Variants in ZCCHC10 observed in about 807,000 individuals in gnomAD.
ZCCHC10 encodes zinc finger CCHC-type containing 10.
Under a neutral mutation model 19.5 loss-of-function variants are expected in ZCCHC10, and 16 were observed. The observed-to-expected ratio is 0.82, with a 90% confidence interval of 0.56 to 1.25. The LOEUF (loss-of-function observed/expected upper bound fraction) is 1.25, where lower values mean the gene tolerates loss of function less well. Among genes scored for constraint, ZCCHC10 ranks in the 50% most tolerant of loss-of-function variants. The probability of loss-of-function intolerance (pLI) is 0.00; values close to 1 mark genes in which losing one functional copy is unlikely to be tolerated. For synonymous variants in ZCCHC10, 67 were observed against 72.5 expected, an observed-to-expected ratio of 0.92 and a Z score of 0.38; for missense variants, 197 against 201.0, an observed-to-expected ratio of 0.98 and a Z score of 0.12.
intron 1 of ZCCHC10, among the ~76,000 whole-genome samples, chr5:133,023,792 A>G (rs57338184): frequency 0.02 from 3,087 of 152,174 alleles, 113 homozygotes; most frequent in African/African-American, 0.071. Context: ...AATTGATGAT[A>G]GTGCTTTCTC....
chr5:133,014,726 T>G (rs2126622158), intron 2 of ZCCHC10, among the ~76,000 whole-genome samples: 1 of 152,358 alleles, frequency 6.6e-6, no homozygotes, highest in African/African-American at 2.4e-5. Flanking sequence ...AAGGCTTTAG[T>G]TCCTTGCCAT....
intron 2 of ZCCHC10, among the ~76,000 whole-genome samples, chr5:133,008,838 C>T (rs1763305731): frequency 6.6e-6 from 1 of 151,856 alleles, no homozygotes; most frequent in African/African-American, 2.4e-5. Context: ...ATGGTGAAAC[C>T]CTGTCTCTAA....
intron 2 of ZCCHC10, among the ~76,000 whole-genome samples, chr5:133,019,491 T>C (rs1581426550): frequency 6.6e-6 from 1 of 152,322 alleles, no homozygotes; most frequent in Non-Finnish European, 1.5e-5. Flanking sequence ...CGTTCTTTGA[T>C]ACCAAAAATA....
In ZCCHC10 at chr5:133,025,418, G is replaced by T. The variant is rs576534402; in HGVS notation, c.41+1079C>A. ...ACTCGGGAGGCTGAGGCAGGGGAAC[G>T]GCGTGAACCCGGGGGGCGGAGCTTG... On this transcript the variant is annotated intron_variant, in intron 1 of 4. Coordinates refer to ENST00000509437, the MANE Select transcript of ZCCHC10 (RefSeq NM_001300816.3). 6.5e-4 allele frequency among the ~76,000 whole-genome samples: 97 copies of T among 150,372 alleles called. 2 individuals are homozygous for T. In the South Asian group the frequency reaches 0.02, roughly 31 times the overall value.
chr5:133,023,902 T>C (rs1764498912), intron 1 of ZCCHC10, among the ~76,000 whole-genome samples: 1 of 152,200 alleles, frequency 6.6e-6, no homozygotes, highest in African/African-American at 2.4e-5. Context: ...GAATATAAAA[T>C]GAAAAGTAAA....
chr5:133,010,332 A>G (rs1241178073), intron 2 of ZCCHC10, among the ~76,000 whole-genome samples: 1 of 152,124 alleles, frequency 6.6e-6, no homozygotes, highest in Non-Finnish European at 1.5e-5. Flanking sequence ...TACAGGTGTG[A>G]GCCACCGTGC....
chr5:133,011,703 T>C (rs1329581921), intron 2 of ZCCHC10, among the ~76,000 whole-genome samples: 1 of 147,248 alleles, frequency 6.8e-6, no homozygotes, highest in East Asian at 2.0e-4. Flanking sequence ...TAGAGAGATA[T>C]ACCATGTTCA....
At chr5:133,026,468 C>T (rs1409358178) in intron 1 of ZCCHC10, 29 bp downstream of exon 1, 2 of 1,612,374 alleles carry the variant, frequency 1.2e-6, no homozygotes, top group African/African-American at 1.3e-5. Flanking sequence ...CCCAGCCCTC[C>T]AGTGGACCCG....
chr5:133,004,661 T>C (rs1318356159), intron 3 of ZCCHC10, among the ~76,000 whole-genome samples: 1 of 151,868 alleles, frequency 6.6e-6, no homozygotes, highest in Non-Finnish European at 1.5e-5. Context: ...GCTGATTTTT[T>C]GTATCTTTTT....
At chr5:133,026,455 G>T (rs1561564645) in intron 1 of ZCCHC10, 42 bp downstream of exon 1, 1 of 1,609,250 alleles carries the variant, frequency 6.2e-7, no homozygotes, top group Non-Finnish European at 8.5e-7. Flanking sequence ...GCGTTTCCCC[G>T]CTCCCAGCCC....
chr5:133,009,749 A>G (rs1375583183), intron 2 of ZCCHC10, among the ~76,000 whole-genome samples: 1 of 152,054 alleles, frequency 6.6e-6, no homozygotes, highest in Non-Finnish European at 1.5e-5. Flanking sequence ...AGCTAGGGAG[A>G]TAAACTCTGT....
intron 3 of ZCCHC10, among the ~76,000 whole-genome samples, chr5:133,005,978 CTTTTTTTTTTT>C (rs760600232): frequency 1.0e-5 from 1 of 97,782 alleles, no homozygotes; most frequent in Non-Finnish European, 1.9e-5. Context: ...GAAGATGCTG[CTTTTTTTTTTT>C]TTTTTTTTTT....
intron 3 of ZCCHC10, among the ~76,000 whole-genome samples, chr5:133,000,704 G>A (rs1016931886): frequency 5.4e-5 from 8 of 149,346 alleles, no homozygotes; most frequent in Admixed American, 6.7e-5. Flanking sequence ...GTGCAGTGGC[G>A]CGATCTTGGC....
chr5:133,026,264 G>A (rs1200936484), intron 1 of ZCCHC10, among the ~76,000 whole-genome samples: 1 of 152,222 alleles, frequency 6.6e-6, no homozygotes, highest in African/African-American at 2.4e-5. Context: ...CGCGACAGTT[G>A]TCTTCAAACC....
At chr5:133,000,082 C>A in intron 4 of ZCCHC10, 50 bp downstream of exon 4, 1 of 1,584,722 alleles carries the variant, frequency 6.3e-7, no homozygotes, top group South Asian at 1.1e-5. Context: ...TCCCATCCCG[C>A]CAATTAGTAT....
chr5:133,003,970 A>G (rs1762942609), intron 3 of ZCCHC10, among the ~76,000 whole-genome samples: 1 of 152,132 alleles, frequency 6.6e-6, no homozygotes, highest in South Asian at 2.1e-4. Context: ...TCGGCCTCCC[A>G]TAGTGCTGGA....
At chr5:133,020,067 A>T (rs1213738150) in intron 2 of ZCCHC10, among the ~76,000 whole-genome samples, 1 of 152,186 alleles carries the variant, frequency 6.6e-6, no homozygotes, top group East Asian at 1.9e-4. Context: ...ACAGTGGCTC[A>T]TGCCTATAAT....
chr5:133,006,716 C>T, intron 3 of ZCCHC10, 43 bp downstream of exon 3: 1 of 1,539,960 alleles, frequency 6.5e-7, no homozygotes, highest in Non-Finnish European at 8.7e-7. Flanking sequence ...ATTCTATATA[C>T]ACATTAAAAA....
Position 133,013,947 on chromosome 5 carries a change from T to C in ZCCHC10, c.108-7027A>G, listed in dbSNP as rs1002086235. 3.9e-5 allele frequency among the ~76,000 whole-genome samples: 6 copies of C among 152,152 alleles called. No individual in the cohort carries two copies. The East Asian group carries it at 5.8e-4, about 15-fold the overall frequency. Reference sequence around the variant, plus strand: ...AATATTGCTTTTCCTTTATGTATTATAGCTTTTAAAAATTTTCAGTCACAA... The same window carrying C: ...AATATTGCTTTTCCTTTATGTATTACAGCTTTTAAAAATTTTCAGTCACAA... On this transcript the variant is annotated intron_variant, in intron 2 of 4. Transcript: ENST00000509437.
Sources: gnomAD v4.1 joint callset for allele counts (sites outside exome capture counted in the v4.1 genomes callset) on GRCh38, gnomAD v4.1.1 for gene constraint, MANE v1.5 for transcripts, NCBI Gene and HGNC (gene_info 2026-07-23, HGNC 2026-07-21) for gene names.